The following GC variants were observed in gnomAD, a reference collection of about 807,000 sequenced individuals.
The protein encoded by GC is GC vitamin D binding protein.
A neutral mutation model predicts 56.7 loss-of-function variants in GC; 43 were observed. The ratio of observed to expected loss-of-function variants is 0.76; its 90% CI spans 0.59 to 0.98. The LOEUF (loss-of-function observed/expected upper bound fraction) is 0.98. GC is among the 50% of genes least tolerant of loss of function. The pLI is 0.00. For synonymous variants in GC, 216 were observed against 202.7 expected, an observed-to-expected ratio of 1.07 and a Z score of -0.56; for missense variants, 529 against 545.9, an observed-to-expected ratio of 0.97 and a Z score of 0.31.
Position 71,752,484 on chromosome 4 carries a change from C to G in GC, c.1395+34G>C, listed in dbSNP as rs72858900. The G allele has an allele frequency of 2.8e-3, 4,410 of 1,577,608 alleles. 99 individuals are homozygous for G. The African/African-American group carries it at 0.052, about 19-fold the overall frequency. On this transcript the variant is annotated intron_variant, in intron 11 of 12. Transcript: ENST00000273951. ...GGAGTGCATACGTTCTTAAAAGATT[C>G]TGCCATGTTAAGTGGAGGGTTACAT...
intron 7 of GC, 49 bp from the exon 8 acceptor site, chr4:71,756,963 A>G: frequency 6.4e-6 from 8 of 1,248,654 alleles, no homozygotes; most frequent in African/African-American, 1.5e-5. Context: ...CTGATAGTCT[A>G]ATTAAAAATA....
chr4:71,746,267 C>T, intron 11 of GC, 62 bp from the exon 12 acceptor site: 2 of 762,594 alleles, frequency 2.6e-6, no homozygotes, highest in South Asian at 1.7e-5. Flanking sequence ...GCTACTAGAT[C>T]ATGCAGAAGG....
In GC at chr4:71,763,830, T is replaced by G. The variant is rs557326400; in HGVS notation, c.580A>C (p.Ser194Arg). Residue 194 changes from serine to arginine, a missense_variant, in exon 5 of 13, where the codon AGC becomes CGC. Physicochemically the swap from Ser to Arg is moderately radical, Grantham distance 110 (BLOSUM62 -1). Coordinates refer to ENST00000273951, the MANE Select transcript of GC (RefSeq NM_000583.4). ...SMVGSCCTSA[S>R]PTVCFLKERL... ...TCTTTCAAAAAGCATACAGTTGGGC[T>G]TGCAGAGGTACAGCAGGACCCTACC... The G allele has an allele frequency of 6.2e-7, 1 of 1,613,380 alleles. No individual in the cohort carries two copies. The highest frequency in any genetic ancestry group is 1.7e-5 in the Admixed American group (1 of 60,002).
chr4:71,770,663 T>C (rs1421615779), intron 1 of GC, among the ~76,000 whole-genome samples: 1 of 151,960 alleles, frequency 6.6e-6, no homozygotes, highest in Non-Finnish European at 1.5e-5. Flanking sequence ...GCCTAGAGCG[T>C]AGGAGGAAGG....
chr4:71,749,783 T>C (rs1379941453), intron 11 of GC, among the ~76,000 whole-genome samples: 1 of 152,240 alleles, frequency 6.6e-6, no homozygotes, highest in Non-Finnish European at 1.5e-5. Context: ...TGAATTTTAA[T>C]GAAAGATTAA....
At chr4:71,765,961 T>A (rs1228919382) in intron 3 of GC, among the ~76,000 whole-genome samples, 1 of 152,168 alleles carries the variant, frequency 6.6e-6, no homozygotes, top group Non-Finnish European at 1.5e-5. Flanking sequence ...GTGGGGATAT[T>A]AACATCTCTG....
At chr4:71,803,975 T>A in exon 1 of GC, 1 of 1,421,486 alleles carries the variant, frequency 7.0e-7, no homozygotes, top group South Asian at 1.2e-5. Context: ...GTCCAGATCA[T>A]CACCAGTGGT....
chr4:71,755,015 C>T lies in GC; in HGVS notation c.1127G>A (p.Cys376Tyr). 1.9e-6 allele frequency: 3 copies of T among 1,594,828 alleles called. No individual in the cohort carries two copies. The highest frequency in any genetic ancestry group is 2.6e-6 in the Non-Finnish European group (3 of 1,172,630). Residue 376 changes from cysteine to tyrosine, a missense_variant, in exon 9 of 13, where the codon TGT (cysteine) becomes TAT (tyrosine). Transcript: ENST00000273951. ...ACAGGTAGTTGAGTCTTCAACATCA[C>T]AGCATTCACCAAGGCTTTTTAGGGT... ...EPTLKSLGEC[C>Y]DVEDSTTCFN... is the part of the protein sequence containing the mutation.
chr4:71,769,774 C>A (rs1742287671), intron 1 of GC, among the ~76,000 whole-genome samples: 2 of 152,158 alleles, frequency 1.3e-5, no homozygotes. Context: ...TCCCACCCTG[C>A]TTCCTCCCTT....
rs539102603 is a variant in GC, at chr4:71,763,786, A to T, written c.606+18T>A. Reference sequence around the variant, plus strand: ...GAAGAAAAAAACGTAAACATATAATAAGTAAAATGGGACATACCTCTTTCA... The same window carrying T: ...GAAGAAAAAAACGTAAACATATAATTAGTAAAATGGGACATACCTCTTTCA... On this transcript the variant is annotated intron_variant, in intron 5 of 12. Coordinates refer to ENST00000273951, the MANE Select transcript of GC (RefSeq NM_000583.4). 1.3e-5 allele frequency: 21 copies of T among 1,589,218 alleles called. No individual in the cohort carries two copies. The East Asian group carries it at 4.3e-4, about 32-fold the overall frequency.
intron 7 of GC, among the ~76,000 whole-genome samples, chr4:71,757,686 C>T (rs1275336760): frequency 1.3e-5 from 2 of 152,080 alleles, no homozygotes; most frequent in South Asian, 2.1e-4. Context: ...AATTTTAAAT[C>T]ATATTCAACT....
In GC at chr4:71,758,031, G is replaced by A. The variant is rs747260125; in HGVS notation, c.831+11C>T. 1 of 1,610,786 alleles carries A rather than the reference G, an allele frequency of 6.2e-7. No homozygotes were observed. The highest frequency in any genetic ancestry group is 1.3e-5 in the African/African-American group (1 of 74,918). On this transcript the variant is annotated intron_variant, in intron 7 of 12. Coordinates refer to ENST00000273951, the MANE Select transcript of GC (RefSeq NM_000583.4). ...GGCACATGGTGATAATGATAATAAA[G>A]CTTGTCTTACCTCTTTGGCCATGCA...
At position 71,763,772 on chromosome 4, in the gene GC, C is replaced by G. The variant is rs146237303; in HGVS notation, c.606+32G>C. The stretch of plus-strand genomic sequence containing the variant: ...AAGGAATGCTATTAGAAGAAAAAAA[C>G]GTAAACATATAATAAGTAAAATGGG... On this transcript the variant is annotated intron_variant, in intron 5 of 12. Coordinates refer to ENST00000273951, the MANE Select transcript of GC (RefSeq NM_000583.4). 44 of 1,558,408 alleles carry G rather than the reference C, an allele frequency of 2.8e-5. No individual in the cohort carries two copies. In the South Asian group the frequency reaches 4.9e-4, roughly 17 times the overall value.
chr4:71,799,212 C>T (rs778426638), intron 1 of GC, among the ~76,000 whole-genome samples: 11 of 152,180 alleles, frequency 7.2e-5, no homozygotes, highest in Non-Finnish European at 1.5e-4. Flanking sequence ...AAATCTACCA[C>T]ACTTGGTAAG....
chr4:71,752,646 C>T lies in GC; in HGVS notation c.1267G>A (p.Ala423Thr). 6.2e-7 allele frequency: 1 copy of T among 1,612,294 alleles called. No homozygotes were observed. The highest frequency in any genetic ancestry group is 8.5e-7 in the Non-Finnish European group (1 of 1,178,718). The change falls in exon 11 of 13, where the codon GCA (alanine) becomes ACA (threonine). Residue 423 changes from alanine (A) to threonine (T), a missense_variant. Transcript: ENST00000273951. ...GGCAATTTTGCTTTTAGTCGCTCTG[C>T]CAGTCTGAAAAACCATTTAAATGTA... ...NTFTEYKKKLAERLKAKLPDA... is the reference protein window; with the variant it reads ...NTFTEYKKKLTERLKAKLPDA...
At chr4:71,773,002 C>T (rs867912213) in intron 1 of GC, among the ~76,000 whole-genome samples, 1 of 152,036 alleles carries the variant, frequency 6.6e-6, no homozygotes, top group African/African-American at 2.4e-5. Flanking sequence ...AATTGATTCC[C>T]CATTCCATGG....
At chr4:71,759,661 CAT>C (rs1397222147) in intron 6 of GC, 3 of 152,102 alleles carry the variant, frequency 2.0e-5, no homozygotes, top group Admixed American at 2.0e-4. Context: ...AGCATCTTTT[CAT>C]ATGTTTATTG....
chr4:71,783,921 T>C, intron 1 of GC, 40 bp downstream of exon 1: 6 of 1,476,668 alleles, frequency 4.1e-6, no homozygotes, highest in Non-Finnish European at 5.5e-6. Flanking sequence ...ATTAAACTAG[T>C]AAGAATTCCT....
chr4:71,805,021 A>T (rs1170303335), upstream of GC, among the ~76,000 whole-genome samples: 1 of 152,072 alleles, frequency 6.6e-6, no homozygotes, highest in African/African-American at 2.4e-5. Context: ...AAGGCCCATA[A>T]TGTTAAAGAT....
Sources: allele counts gnomAD v4.1 joint callset (sites outside exome capture counted in the v4.1 genomes callset), GRCh38; gene constraint gnomAD v4.1.1; transcripts MANE v1.5; gene names NCBI Gene and HGNC (gene_info 2026-07-23, HGNC 2026-07-21).